MX2: variants seen among roughly 807,000 people sequenced by gnomAD.
MX2 encodes the protein MX dynamin like GTPase 2.
Under a neutral mutation model 74.0 loss-of-function variants are expected in MX2, and 51 were observed. The ratio of observed to expected loss-of-function variants is 0.69; its 90% CI spans 0.55 to 0.87. MX2 has a LOEUF of 0.87. MX2 is among the 40% of genes least tolerant of loss of function. The pLI is 0.00. For missense variants in MX2, 832 were observed against 908.7 expected (o/e 0.92, Z 1.09); for synonymous variants, 369 against 339.3 (o/e 1.09, Z -0.96).
intron 1 of MX2, among the ~76,000 whole-genome samples, chr21:41,373,575 C>A (rs2089355281): frequency 6.6e-6 from 1 of 152,154 alleles, no homozygotes; most frequent in Non-Finnish European, 1.5e-5. Context: ...CTCCCCAACT[C>A]CCCTCTGCCC....
At chr21:41,386,219 C>CA (rs59005802) in intron 5 of MX2, among the ~76,000 whole-genome samples, 475 of 32,018 alleles carry the variant, frequency 0.015, 99 homozygotes, top group East Asian at 0.038. Flanking sequence ...TACTCCATCT[C>CA]AAAAAAAAAA....
rs148138399 is a variant in MX2, at chr21:41,383,087, G to A, written c.732+523G>A. Among the ~76,000 whole-genome samples the A allele has an allele frequency of 1.2e-4, 19 of 152,286 alleles. No individual in the cohort carries two copies. The East Asian group carries it at 1.5e-3, about 12-fold the overall frequency. ...CCCATCTAAACATGAGGCCAGGCAC[G>A]GTGGCGCATGCCTGTAATCCCAACA... On this transcript the variant is annotated intron_variant, in intron 5 of 13. Coordinates refer to ENST00000330714, the MANE Select transcript of MX2 (RefSeq NM_002463.2).
Position 41,406,925 on chromosome 21 carries a change from C to T in MX2, c.1832C>T (p.Ser611Phe). 2.5e-6 allele frequency: 4 copies of T among 1,614,152 alleles called. No homozygotes were observed. The highest frequency in any genetic ancestry group is 3.4e-6 in the Non-Finnish European group (4 of 1,179,998). ...GTPSQNMKLN[S>F]HFPSNESSVS... is the part of the protein sequence containing the mutation. Reference sequence around the variant, plus strand: ...CCTTCACAGAATATGAAGTTGAACTCTCATTTTCCCAGTAATGAGTCTTCG... The same window carrying T: ...CCTTCACAGAATATGAAGTTGAACTTTCATTTTCCCAGTAATGAGTCTTCG... The change falls in exon 13 of 14, where the codon TCT becomes TTT. Residue 611 changes from serine (S) to phenylalanine (F), a missense_variant. By Grantham distance (155) the Ser-to-Phe change is radical (BLOSUM62 -2). Coordinates refer to ENST00000330714, the MANE Select transcript of MX2 (RefSeq NM_002463.2).
At chr21:41,385,357 G>A (rs1347692966) in intron 5 of MX2, among the ~76,000 whole-genome samples, 1 of 152,242 alleles carries the variant, frequency 6.6e-6, no homozygotes, top group East Asian at 1.9e-4. Flanking sequence ...CGTGTCGTGG[G>A]AGGGACCTGG....
intron 3 of MX2, among the ~76,000 whole-genome samples, chr21:41,379,440 A>T (rs1356609771): frequency 6.6e-6 from 1 of 152,116 alleles, no homozygotes; most frequent in Non-Finnish European, 1.5e-5. Flanking sequence ...AAAGGGCACT[A>T]TCAGGATTCC....
At chr21:41,386,783 T>C (rs9305739) in intron 5 of MX2, among the ~76,000 whole-genome samples, 17,686 of 152,234 alleles carry the variant, frequency 0.12, 1,445 homozygotes, top group South Asian at 0.22. Flanking sequence ...TCCTCCTCCA[T>C]GTTCCTGGAA....
chr21:41,402,528 C>T lies in MX2; in HGVS notation c.1573+400C>T, dbSNP rs550655401. On this transcript the variant is annotated intron_variant, in intron 11 of 13. Transcript: ENST00000330714. This position sits in a 1 kb window ranked among gnomAD's most constrained non-coding sequence, Gnocchi z 4.5. ...CCACCAACACAGCCGCGTAAGGCAG[C>T]GGTCCCCAGTCTTTATGGCACCAGA... 3 of 178,512 alleles carry T rather than the reference C, an allele frequency of 1.7e-5. No homozygotes were observed. Among genetic ancestry groups the T allele is most frequent in the Non-Finnish European group, 3.5e-5 (3 of 84,992 alleles). The allele number at this position is 178,512 out of a possible 1,614,324, so 11.1% of individuals were successfully genotyped here. A position where few individuals can be genotyped will look rare whatever the true frequency, so the allele number is the denominator to read the frequency against.
intron 13 of MX2, among the ~76,000 whole-genome samples, chr21:41,407,733 A>T (rs970812825): frequency 4.6e-5 from 7 of 152,132 alleles, no homozygotes; most frequent in Non-Finnish European, 1.0e-4. Context: ...AGCTGTGGGG[A>T]TGCCCAGAGG....
In MX2 at chr21:41,409,364, G is replaced by T. The variant is rs2089924976; in HGVS notation, c.*1131G>T. ...GTATGTTTCAAATGATGAACATATA[G>T]ATTCCTTAATAAAAAGGCAATAGAA... On this transcript the variant is annotated 3_prime_UTR_variant, in exon 14 of 14. Transcript: ENST00000330714. 1 of 152,078 alleles carries T rather than the reference G, an allele frequency of 6.6e-6. No individual in the cohort carries two copies. Among genetic ancestry groups the T allele is most frequent in the African/African-American group, 2.4e-5 (1 of 41,398 alleles). 9.4% of individuals were successfully genotyped at this position (152,078 alleles called of 1,614,324 possible). A position where few individuals can be genotyped will look rare whatever the true frequency, so the allele number is the denominator to read the frequency against.
intron 6 of MX2, among the ~76,000 whole-genome samples, chr21:41,391,119 G>A (rs2838034): frequency 0.082 from 12,498 of 152,064 alleles, 1,116 homozygotes; most frequent in African/African-American, 0.21. Context: ...TGTGTCCTGC[G>A]CTGAATACAA....
chr21:41,377,086 C>T lies in MX2; in HGVS notation c.180C>T (p.Ala60=). The T allele has an allele frequency of 6.2e-7, 1 of 1,614,218 alleles. No homozygotes were observed. The highest frequency in any genetic ancestry group is 8.5e-7 in the Non-Finnish European group (1 of 1,180,040). ...QGAEKDAAFL[A]KDFNFLTLNN... ...CAGAGAAGGACGCTGCTTTCCTCGC[C>T]AAGGACTTCAACTTTCTCACTTTGA... is the stretch of plus-strand genomic sequence containing the variant. Residue 60 remains alanine, a synonymous_variant, in exon 2 of 14, where the codon GCC becomes GCT. Coordinates refer to ENST00000330714, the MANE Select transcript of MX2 (RefSeq NM_002463.2).
chr21:41,396,186 C>T (rs2089732117), intron 7 of MX2, among the ~76,000 whole-genome samples: 1 of 152,226 alleles, frequency 6.6e-6, no homozygotes, highest in African/African-American at 2.4e-5. Flanking sequence ...CTTCCAGAAA[C>T]CCGTGTGTAC....
At chr21:41,381,421 CA>C (rs1449749341) in intron 4 of MX2, among the ~76,000 whole-genome samples, 2 of 152,142 alleles carry the variant, frequency 1.3e-5, no homozygotes, top group Admixed American at 6.5e-5. Context: ...CGCGGTGGCT[CA>C]AGCCTGTAAT....
At chr21:41,403,975 C>G in intron 12 of MX2, 1 of 229,862 alleles carries the variant, frequency 4.4e-6, no homozygotes, top group Non-Finnish European at 8.8e-6. Flanking sequence ...TTCTGACTCC[C>G]GCCCACTTTC....
intron 5 of MX2, among the ~76,000 whole-genome samples, chr21:41,387,800 C>A (rs1269998858): frequency 6.6e-6 from 1 of 152,238 alleles, no homozygotes; most frequent in Non-Finnish European, 1.5e-5. Flanking sequence ...AATCGGTACA[C>A]AAACTCAGTG....
chr21:41,393,021 G>T (rs9305743), intron 6 of MX2, among the ~76,000 whole-genome samples: 1 of 147,588 alleles, frequency 6.8e-6, no homozygotes, highest in Non-Finnish European at 1.5e-5. Flanking sequence ...CACGAGAATC[G>T]CTTGAACCTG....
At position 41,376,832 on chromosome 21, in the gene MX2, G is replaced by A; in HGVS notation, c.-71-4G>A. The stretch of plus-strand genomic sequence containing the variant: ...GGGCCGCTCTCCCTCTTGTGTCTTT[G>A]CAGAGCTTGTCAGGAAGATCGGAGG... On this transcript the variant is annotated splice_region_variant and splice_polypyrimidine_tract_variant and intron_variant, in intron 1 of 13. Transcript: ENST00000330714. 6.3e-7 allele frequency: 1 copy of A among 1,580,338 alleles called. No individual in the cohort carries two copies. Among genetic ancestry groups the A allele is most frequent in the South Asian group, 1.2e-5 (1 of 85,090 alleles).
intron 1 of MX2, among the ~76,000 whole-genome samples, chr21:41,375,870 G>C (rs2089394829): frequency 6.6e-6 from 1 of 152,164 alleles, no homozygotes; most frequent in South Asian, 2.1e-4. Context: ...TCCAGAGTGT[G>C]GGGGGCTCCT....
In MX2 at chr21:41,406,961, T is replaced by C; in HGVS notation, c.1868T>C (p.Phe623Ser). 6.2e-7 allele frequency: 1 copy of C among 1,613,702 alleles called. No homozygotes were observed. The highest frequency in any genetic ancestry group is 8.5e-7 in the Non-Finnish European group (1 of 1,179,598). The stretch of plus-strand genomic sequence containing the variant: ...AGTAATGAGTCTTCGGTTTCCTCCT[T>C]TACTGAAATAGGCATCCACCTGAAT... ...FPSNESSVSS[F>S]TEIGIHLNAY... is the part of the protein sequence containing the mutation. The change falls in exon 13 of 14, where the codon TTT (phenylalanine) becomes TCT (serine). Residue 623 changes from phenylalanine to serine, a missense_variant. Phe to Ser is a radical substitution (Grantham distance 155). Coordinates refer to ENST00000330714, the MANE Select transcript of MX2 (RefSeq NM_002463.2).
Sources: allele counts gnomAD v4.1 joint callset (sites outside exome capture counted in the v4.1 genomes callset), GRCh38; gene constraint gnomAD v4.1.1; non-coding constraint Gnocchi (gnomAD v3.1); transcripts MANE v1.5; gene names NCBI Gene and HGNC (gene_info 2026-07-23, HGNC 2026-07-21).